Variants in ITSN1 observed in about 807,000 individuals in gnomAD.
The protein encoded by ITSN1 is intersectin-1.
A neutral mutation model predicts 239.8 loss-of-function variants in ITSN1; 58 were observed. That is an observed-to-expected ratio of 0.24 (90% CI 0.20 to 0.30). The LOEUF is 0.30. Ranked by LOEUF, ITSN1 falls within the 10% of genes least tolerant of loss-of-function variation. The pLI is 1.00. For missense variants in ITSN1, 1,558 were observed against 2,103.3 expected (o/e 0.74, Z 5.07); for synonymous variants, 780 against 770.8 (o/e 1.01, Z -0.20).
At chr21:33,716,935 C>CA (rs796595572) in intron 1 of ITSN1, among the ~76,000 whole-genome samples, 1,681 of 97,596 alleles carry the variant, frequency 0.017, 20 homozygotes, top group African/African-American at 0.052. Flanking sequence ...GACTCCGTCT[C>CA]AAAAAAAAAA....
At chr21:33,664,980 C>T (rs563519720) in intron 1 of ITSN1, among the ~76,000 whole-genome samples, 2 of 148,204 alleles carry the variant, frequency 1.3e-5, no homozygotes, top group African/African-American at 2.5e-5. Flanking sequence ...TTAGACATAA[C>T]GTGGCCAGGC....
intron 1 of ITSN1, among the ~76,000 whole-genome samples, chr21:33,714,820 A>G (rs1417731051): frequency 1.3e-5 from 2 of 152,178 alleles, no homozygotes; most frequent in Admixed American, 1.3e-4. Flanking sequence ...ACATTTTCTT[A>G]AACAAAAAGC....
At position 33,881,326 on chromosome 21, in the gene ITSN1, C is replaced by G. The variant is rs375537523; in HGVS notation, c.4342-917C>G. 2.7e-4 allele frequency among the ~76,000 whole-genome samples: 40 copies of G among 149,994 alleles called. No homozygotes were observed. The South Asian group carries it at 5.5e-3, about 21-fold the overall frequency. ...GGAGGCTGAGGCAGGAGAATGGCGT[C>G]AACCCGGGAGGCGGAGCTTGCAGTG... is the stretch of plus-strand genomic sequence containing the variant. On this transcript the variant is annotated intron_variant, in intron 34 of 39. Coordinates refer to ENST00000381318, the MANE Select transcript of ITSN1 (RefSeq NM_003024.3).
rs538353114 is a variant in ITSN1 at position 33,655,178 on chromosome 21, C to T, written c.-33+12465C>T. Among the ~76,000 whole-genome samples the T allele has an allele frequency of 3.9e-5, 6 of 152,288 alleles. No individual in the cohort carries two copies. The South Asian group carries it at 1.0e-3, about 26-fold the overall frequency. On this transcript the variant is annotated intron_variant, in intron 1 of 39. Transcript: ENST00000381318. ...GGAAAGGCCATTTTACAAATGCGGA[C>T]TCTGGCTCGGACCTGTTTTAAACCG...
chr21:33,866,069 A>G (rs1474757168), intron 32 of ITSN1, among the ~76,000 whole-genome samples: 1 of 152,246 alleles, frequency 6.6e-6, no homozygotes, highest in Non-Finnish European at 1.5e-5. Context: ...AAACAACAAA[A>G]TAATAATAAC....
intron 23 of ITSN1, 83 bp from the exon 24 acceptor site, chr21:33,819,158 C>G: frequency 1.9e-6 from 2 of 1,029,500 alleles, no homozygotes; most frequent in Non-Finnish European, 3.0e-6. Flanking sequence ...AAAAGTTAAG[C>G]AGTTTTAACA....
At position 33,890,063 on chromosome 21, in the gene ITSN1, C is replaced by T. The variant is rs1569351742; in HGVS notation, c.*1763C>T. The T allele has an allele frequency of 4.6e-5, 7 of 152,312 alleles. No individual in the cohort carries two copies. The South Asian group carries it at 1.4e-3, about 32-fold the overall frequency. 9.4% of individuals were successfully genotyped at this position (152,312 alleles called of 1,614,324 possible). ...ACATGTTAGAGACCAAGTTTAACTTCAGGCATGCATTTGTTTACCATTTCC... is the reference window on the plus strand; with the variant it reads ...ACATGTTAGAGACCAAGTTTAACTTTAGGCATGCATTTGTTTACCATTTCC... On this transcript the variant is annotated 3_prime_UTR_variant, in exon 40 of 40. Coordinates refer to ENST00000381318, the MANE Select transcript of ITSN1 (RefSeq NM_003024.3).
At chr21:33,789,910 G>A (rs1456259666) in intron 16 of ITSN1, among the ~76,000 whole-genome samples, 1 of 152,202 alleles carries the variant, frequency 6.6e-6, no homozygotes, top group Non-Finnish European at 1.5e-5. Context: ...GCCATAGGAT[G>A]TCCAAAGATG....
At chr21:33,718,912 T>C in intron 2 of ITSN1, 56 bp downstream of exon 2, 2 of 1,359,482 alleles carry the variant, frequency 1.5e-6, no homozygotes, top group Non-Finnish European at 2.1e-6. Flanking sequence ...TTTTAAAAAC[T>C]TGATATTATG....
At chr21:33,747,693 G>A (rs772309933) in intron 5 of ITSN1, among the ~76,000 whole-genome samples, 10 of 152,164 alleles carry the variant, frequency 6.6e-5, no homozygotes, top group South Asian at 2.1e-4. Flanking sequence ...TCAAAATGCC[G>A]CAAGAAAAAA....
intron 29 of ITSN1, among the ~76,000 whole-genome samples, chr21:33,838,675 C>T (rs1569287078): frequency 6.6e-6 from 1 of 152,168 alleles, no homozygotes; most frequent in Admixed American, 6.5e-5. Flanking sequence ...TCCCTCTCCC[C>T]GTGCTCTCCA....
At chr21:33,676,787 T>C (rs1237423469) in intron 1 of ITSN1, among the ~76,000 whole-genome samples, 9 of 152,184 alleles carry the variant, frequency 5.9e-5, no homozygotes, top group Non-Finnish European at 1.5e-5. Context: ...TTTTCTGTCC[T>C]TGTGATAGTT....
chr21:33,777,304 T>C (rs2147844988), intron 14 of ITSN1, among the ~76,000 whole-genome samples: 1 of 152,318 alleles, frequency 6.6e-6, no homozygotes, highest in East Asian at 1.9e-4. Flanking sequence ...TATTCTGGAC[T>C]CTATTCTGTT....
chr21:33,761,485 G>A (rs903270863), intron 8 of ITSN1, among the ~76,000 whole-genome samples: 6 of 151,652 alleles, frequency 4.0e-5, no homozygotes, highest in Non-Finnish European at 8.8e-5. Flanking sequence ...CCTCCTCTAA[G>A]ATTCTCCGAA....
At chr21:33,858,635 T>G in intron 30 of ITSN1, 51 bp from the exon 31 acceptor site, 4 of 1,183,466 alleles carry the variant, frequency 3.4e-6, no homozygotes, top group Non-Finnish European at 5.1e-6. Context: ...TGTGAGTGTG[T>G]GAGTTTTAAG....
chr21:33,819,221 C>T lies in ITSN1; in HGVS notation c.2934-20C>T. ...CTTTGAAGATAAAAATTAAAATACT[C>T]TCTTCTTCCATTATTGCAGCATGGA... On this transcript the variant is annotated intron_variant, in intron 23 of 39. Coordinates refer to ENST00000381318, the MANE Select transcript of ITSN1 (RefSeq NM_003024.3). 1.3e-6 allele frequency: 2 copies of T among 1,572,588 alleles called. No individual in the cohort carries two copies. Among genetic ancestry groups the T allele is most frequent in the Non-Finnish European group, 1.7e-6 (2 of 1,146,062 alleles).
intron 12 of ITSN1, among the ~76,000 whole-genome samples, chr21:33,773,957 A>G (rs565070850): frequency 3.0e-4 from 45 of 152,230 alleles, no homozygotes; most frequent in African/African-American, 1.1e-3. Context: ...TAGGATTACA[A>G]GCGTGAGCCA....
intron 26 of ITSN1, 71 bp from the exon 27 acceptor site, chr21:33,829,553 C>G: frequency 6.4e-7 from 1 of 1,552,048 alleles, no homozygotes; most frequent in Non-Finnish European, 8.8e-7. Context: ...CTGGGAGGCG[C>G]CTGCATCTTC....
chr21:33,831,313 G>C (rs2074280688), intron 27 of ITSN1, among the ~76,000 whole-genome samples: 1 of 152,190 alleles, frequency 6.6e-6, no homozygotes, highest in African/African-American at 2.4e-5. Flanking sequence ...GTTGAACGTG[G>C]GCCTCTGCGT....
Sources: gnomAD v4.1 joint callset for allele counts (sites outside exome capture counted in the v4.1 genomes callset) on GRCh38, gnomAD v4.1.1 for gene constraint, MANE v1.5 for transcripts, NCBI Gene and HGNC (gene_info 2026-07-23, HGNC 2026-07-21) for gene names.